Variants in TMEM266 observed in about 807,000 individuals in gnomAD.
TMEM266 encodes the protein Hv1 related protein 1.
In TMEM266, 33 loss-of-function variants were observed where a neutral mutation model predicts 50.5. The observed-to-expected ratio is 0.65, with a 90% CI of 0.50 to 0.87. The LOEUF (loss-of-function observed/expected upper bound fraction) is 0.87, where lower values mean the gene tolerates loss of function less well. TMEM266 is among the 40% of genes least tolerant of loss of function. The pLI is 0.00. For missense variants in TMEM266, 655 were observed against 695.1 expected (o/e 0.94, Z 0.65); for synonymous variants, 310 against 292.3 (o/e 1.06, Z -0.62).
intron 6 of TMEM266, 70 bp from the exon 7 acceptor site, chr15:76,170,923 T>C (rs1947431007): frequency 6.6e-7 from 1 of 1,521,792 alleles, no homozygotes; most frequent in South Asian, 1.3e-5. Context: ...ACCAGCTGCT[T>C]TGCCTGACTG....
chr15:76,172,800 G>T (rs565701805), intron 7 of TMEM266, among the ~76,000 whole-genome samples: 1 of 152,180 alleles, frequency 6.6e-6, no homozygotes, highest in East Asian at 1.9e-4. Context: ...GCGCTCTTTC[G>T]GCTGCTCACT....
chr15:76,202,929 C>T (rs1054052468), intron 10 of TMEM266, among the ~76,000 whole-genome samples: 1 of 152,016 alleles, frequency 6.6e-6, no homozygotes, highest in African/African-American at 2.4e-5. Flanking sequence ...AATTTAGTCT[C>T]CCTAAGGCCT....
chr15:76,156,865 C>T (rs1000998528), intron 4 of TMEM266, 107 bp downstream of exon 4: 114 of 1,190,148 alleles, frequency 9.6e-5, no homozygotes, highest in Admixed American at 9.3e-4. Context: ...CTGCCCCCGC[C>T]GATGCTGCTG....
rs967687913 is a variant in TMEM266 at position 76,189,158 on chromosome 15, C to T, written c.769-2810C>T. On this transcript the variant is annotated intron_variant, in intron 8 of 10. Transcript: ENST00000388942. ...AGTGAGCTATGATCATGCCACTGCA[C>T]TTTAGTGTGGCAGACAGAGTAAAAC... Among the ~76,000 whole-genome samples, 5 of 151,696 alleles carry T rather than the reference C, an allele frequency of 3.3e-5. 1 individual carries two copies.
rs1188347127 is a variant in TMEM266, at chr15:76,160,507, C to T, written c.456+339C>T. ...AGTGTTGGGTGCAGCCAGTAAGGAG[C>T]GGGCGGGAGGTGAGGCTGAAGCCAG... On this transcript the variant is annotated intron_variant, in intron 5 of 10. Transcript: ENST00000388942. The surrounding 1 kb of genome is among the most constrained non-coding windows in gnomAD (Gnocchi z 5.7). Among the ~76,000 whole-genome samples the T allele has an allele frequency of 2.6e-5, 4 of 152,146 alleles. No homozygotes were observed. Among genetic ancestry groups the T allele is most frequent in the East Asian group, 1.9e-4 (1 of 5,188 alleles).
rs35165074 is a variant in TMEM266 at position 76,119,766 on chromosome 15, C to CA, written c.-96-14392dup. ...TGGGCAATACAGCAAGACTTGGTCT[C>CA]AAAAAAAAAATTAATTAAAAAAAGA... On this transcript the variant is annotated intron_variant, in intron 1 of 10. Coordinates refer to ENST00000388942, the MANE Select transcript of TMEM266 (RefSeq NM_152335.3). Among the ~76,000 whole-genome samples, 1,159 of 148,086 alleles carry CA rather than the reference C, an allele frequency of 7.8e-3. 15 individuals are homozygous for CA. The highest frequency in any genetic ancestry group is 0.027 in the African/African-American group (1,100 of 40,324).
intron 1 of TMEM266, among the ~76,000 whole-genome samples, chr15:76,088,412 A>G (rs1228958137): frequency 6.6e-6 from 1 of 152,258 alleles, no homozygotes; most frequent in East Asian, 1.9e-4. Context: ...CTAGCACTTT[A>G]GAGGCCAAGG....
chr15:76,146,660 T>C (rs2142039187), intron 3 of TMEM266, among the ~76,000 whole-genome samples: 1 of 152,256 alleles, frequency 6.6e-6, no homozygotes, highest in Middle Eastern at 3.4e-3. Flanking sequence ...TGAAATAATT[T>C]TAGATATGCC....
chr15:76,189,920 C>A (rs1430293768), intron 8 of TMEM266, among the ~76,000 whole-genome samples: 2 of 152,202 alleles, frequency 1.3e-5, no homozygotes, highest in African/African-American at 4.8e-5. Context: ...TAGCCTCAGG[C>A]AGGAAGCTGA....
At chr15:76,186,971 C>G (rs1433240593) in intron 8 of TMEM266, among the ~76,000 whole-genome samples, 1 of 152,222 alleles carries the variant, frequency 6.6e-6, no homozygotes, top group African/African-American at 2.4e-5. Flanking sequence ...GCCATAAGTA[C>G]CAGCCCAGGG....
intron 1 of TMEM266, among the ~76,000 whole-genome samples, chr15:76,103,078 A>G (rs925962637): frequency 6.6e-6 from 1 of 152,060 alleles, no homozygotes; most frequent in Non-Finnish European, 1.5e-5. Flanking sequence ...ACAGGAGTCT[A>G]TGGCAGTAAT....
chr15:76,084,199 A>G (rs1229281303), intron 1 of TMEM266, among the ~76,000 whole-genome samples: 1 of 152,158 alleles, frequency 6.6e-6, no homozygotes, highest in Non-Finnish European at 1.5e-5. Flanking sequence ...CTATAGTCCC[A>G]GCTACTCAGG....
At chr15:76,093,024 T>C (rs184897488) in intron 1 of TMEM266, among the ~76,000 whole-genome samples, 1 of 151,846 alleles carries the variant, frequency 6.6e-6, no homozygotes, top group Non-Finnish European at 1.5e-5. Context: ...GTCAGGCTGG[T>C]CTCGAACTCC....
Position 76,070,178 on chromosome 15 carries a change from A to T in TMEM266, c.-97+10162A>T, listed in dbSNP as rs370585907. Among the ~76,000 whole-genome samples the T allele has an allele frequency of 2.6e-5, 4 of 152,328 alleles. No homozygotes were observed. The East Asian group carries it at 7.7e-4, about 29-fold the overall frequency. ...GCTTGTCCGGCTGCTCAGGGCTGTCATCAGAGGCTGAGGTTCTATTTAGCA... is the reference window on the plus strand; with the variant it reads ...GCTTGTCCGGCTGCTCAGGGCTGTCTTCAGAGGCTGAGGTTCTATTTAGCA... On this transcript the variant is annotated intron_variant, in intron 1 of 10. Coordinates refer to ENST00000388942, the MANE Select transcript of TMEM266 (RefSeq NM_152335.3).
At chr15:76,080,729 CTG>C (rs1240123401) in intron 1 of TMEM266, among the ~76,000 whole-genome samples, 5 of 151,996 alleles carry the variant, frequency 3.3e-5, no homozygotes, top group African/African-American at 1.2e-4. Context: ...CTTTGTAACT[CTG>C]TATGGACACG....
intron 5 of TMEM266, among the ~76,000 whole-genome samples, chr15:76,167,044 T>C (rs2038108209): frequency 1.3e-5 from 2 of 152,192 alleles, no homozygotes; most frequent in Non-Finnish European, 2.9e-5. Flanking sequence ...TATTCCCATC[T>C]TCCCAGCCTG....
rs139140502 is a variant in TMEM266, at chr15:76,110,638, G to A, written c.-96-23530G>A. Among the ~76,000 whole-genome samples, 1,334 of 152,266 alleles carry A rather than the reference G, an allele frequency of 8.8e-3. 15 individuals are homozygous for A. The highest frequency in any genetic ancestry group is 0.031 in the African/African-American group (1,280 of 41,538). On this transcript the variant is annotated intron_variant, in intron 1 of 10. Coordinates refer to ENST00000388942, the MANE Select transcript of TMEM266 (RefSeq NM_152335.3). ...GTGCTGGAGGTCAAAGATCACCCAGGTGTATCTGTCTGCTGTGGTGCTTAT... is the reference window on the plus strand; with the variant it reads ...GTGCTGGAGGTCAAAGATCACCCAGATGTATCTGTCTGCTGTGGTGCTTAT...
chr15:76,165,726 A>T (rs1445192354), intron 5 of TMEM266, among the ~76,000 whole-genome samples: 1 of 152,212 alleles, frequency 6.6e-6, no homozygotes, highest in Non-Finnish European at 1.5e-5. Context: ...AGGTGGCCGC[A>T]TGAGGGGCGT....
intron 1 of TMEM266, among the ~76,000 whole-genome samples, chr15:76,122,165 A>C (rs1346828000): frequency 1.3e-5 from 2 of 152,234 alleles, no homozygotes; most frequent in Non-Finnish European, 2.9e-5. Flanking sequence ...GACTGGGGCA[A>C]TGACCATCCT....
Sources: gnomAD v4.1 joint callset for allele counts (sites outside exome capture counted in the v4.1 genomes callset) on GRCh38, gnomAD v4.1.1 for gene constraint, Gnocchi (gnomAD v3.1) non-coding constraint, MANE v1.5 for transcripts, NCBI Gene and HGNC (gene_info 2026-07-23, HGNC 2026-07-21) for gene names.